The following ATM variants were observed in gnomAD, a reference collection of about 807,000 sequenced individuals.
ATM encodes ATM serine/threonine kinase, also known as serine-protein kinase ATM.
ATM carries 308 observed loss-of-function variants against 387.0 expected under a neutral mutation model. That is an observed-to-expected ratio of 0.80 (90% CI 0.73 to 0.87). The LOEUF (loss-of-function observed/expected upper bound fraction) is 0.87. ATM is among the 40% of genes least tolerant of loss of function. The pLI is 0.00. For synonymous variants in ATM, 1,156 were observed against 1,187.3 expected (o/e 0.97, Z 0.54); for missense variants, 3,312 against 3,560.9 (o/e 0.93, Z 1.78).
intron 22 of ATM, among the ~76,000 whole-genome samples, chr11:108,274,515 A>G (rs2081818229): frequency 6.6e-6 from 1 of 152,108 alleles, no homozygotes; most frequent in Admixed American, 6.5e-5. Flanking sequence ...TAGTGCTATA[A>G]ATTTCCCTCT....
chr11:108,244,175 C>G (rs2135229206), intron 6 of ATM, 57 bp downstream of exon 6: 1 of 1,589,652 alleles, frequency 6.3e-7, no homozygotes, highest in Non-Finnish European at 8.6e-7. Context: ...TCTTGCAAGA[C>G]CATGTTTTAG....
intron 45 of ATM, among the ~76,000 whole-genome samples, chr11:108,321,660 G>A (rs1351728940): frequency 6.6e-6 from 1 of 151,910 alleles, no homozygotes; most frequent in Non-Finnish European, 1.5e-5. Flanking sequence ...GTGGGCGCCT[G>A]TAATCTCAGC....
intron 30 of ATM, among the ~76,000 whole-genome samples, 187 bp downstream of exon 30, chr11:108,292,980 G>T (rs1444132451): frequency 6.6e-6 from 1 of 152,154 alleles, no homozygotes; most frequent in Non-Finnish European, 1.5e-5. Flanking sequence ...TGGTACTTTT[G>T]ATAGTTTTAT....
rs864622131 is a variant in ATM, at chr11:108,267,245, G to A, written c.2541G>A (p.Met847Ile). The stretch of plus-strand genomic sequence containing the variant: ...AAGATGATACTAATGGAAATCTAAT[G>A]GAGGTGGAGGATCAGTCATCCATGA... ...SMEDDTNGNL[M>I]EVEDQSSMNL... is the part of the protein sequence containing the mutation. Residue 847 changes from methionine (M) to isoleucine (I), a missense_variant, in exon 17 of 63, where the codon ATG (methionine) becomes ATA (isoleucine). Physicochemically the swap from Met to Ile is conservative, Grantham distance 10 (BLOSUM62 1). Transcript: ENST00000675843. The A allele has an allele frequency of 6.2e-7, 1 of 1,614,076 alleles. No homozygotes were observed. Among genetic ancestry groups the A allele is most frequent in the Non-Finnish European group, 8.5e-7 (1 of 1,179,946 alleles).
chr11:108,270,985 C>T, intron 18 of ATM, 79 bp from the exon 19 acceptor site: 2 of 1,226,154 alleles, frequency 1.6e-6, no homozygotes, highest in East Asian at 4.9e-5. Flanking sequence ...TGAGCCACTG[C>T]ACCCGGCCTA....
Position 108,345,646 on chromosome 11 carries a change from T to C in ATM, c.8419-97T>C. 3 of 1,003,734 alleles carry C rather than the reference T, an allele frequency of 3.0e-6. No homozygotes were observed. The South Asian group carries it at 5.5e-5, about 18-fold the overall frequency. The allele number at this position is 1,003,734 out of a possible 1,614,324, so 62.2% of individuals were successfully genotyped here. A position where few individuals can be genotyped will look rare whatever the true frequency, so the allele number is the denominator to read the frequency against. ...AGGTAATGTATCCTGTTCATCTTTATTGCCCCTATATCTGTCATATTTTTA... is the reference window on the plus strand; with the variant it reads ...AGGTAATGTATCCTGTTCATCTTTACTGCCCCTATATCTGTCATATTTTTA... On this transcript the variant is annotated intron_variant, in intron 57 of 62. Coordinates refer to ENST00000675843, the MANE Select transcript of ATM (RefSeq NM_000051.4).
intron 33 of ATM, among the ~76,000 whole-genome samples, chr11:108,298,189 C>T (rs1414971966): frequency 1.3e-5 from 2 of 152,166 alleles, no homozygotes; most frequent in African/African-American, 4.8e-5. Flanking sequence ...ATGGAGAAAT[C>T]ACCTGGTTAA....
intron 29 of ATM, among the ~76,000 whole-genome samples, chr11:108,292,316 T>C (rs534774270): frequency 1.3e-5 from 2 of 152,340 alleles, no homozygotes; most frequent in East Asian, 3.9e-4. Flanking sequence ...AGTTGGATTT[T>C]TCTTGATTCA....
chr11:108,236,915 A>G (rs1456103199), intron 5 of ATM, among the ~76,000 whole-genome samples: 1 of 152,230 alleles, frequency 6.6e-6, no homozygotes, highest in Non-Finnish European at 1.5e-5. Flanking sequence ...TGACATTAAC[A>G]AGATGATTTT....
chr11:108,321,930 A>G (rs544526328), intron 45 of ATM, among the ~76,000 whole-genome samples: 26 of 152,192 alleles, frequency 1.7e-4, no homozygotes, highest in Non-Finnish European at 3.1e-4. Context: ...TTAAAAATTC[A>G]GCTTAAGTGT....
chr11:108,341,551 C>T (rs1308398654), intron 56 of ATM, among the ~76,000 whole-genome samples: 1 of 152,022 alleles, frequency 6.6e-6, no homozygotes, highest in Non-Finnish European at 1.5e-5. Flanking sequence ...ATAAATTAAT[C>T]AAATGCTTCC....
At chr11:108,327,955 A>G (rs1368315775) in intron 48 of ATM, among the ~76,000 whole-genome samples, 197 bp downstream of exon 48, 1 of 152,206 alleles carries the variant, frequency 6.6e-6, no homozygotes, top group East Asian at 1.9e-4. Context: ...TTTGAAAGTA[A>G]GCCCAAGTAT....
chr11:108,289,547 A>G, intron 28 of ATM, 55 bp from the exon 29 acceptor site: 1 of 1,310,284 alleles, frequency 7.6e-7, no homozygotes, highest in Non-Finnish European at 1.1e-6. Flanking sequence ...AAGTGTATTT[A>G]TTGTAGCCGA....
At chr11:108,229,525 G>T (rs1033950971) in intron 4 of ATM, 1 of 521,478 alleles carries the variant, frequency 1.9e-6, no homozygotes, top group Non-Finnish European at 3.3e-6. Context: ...AAGTGAAGCA[G>T]TGGGAGTTTA....
chr11:108,358,842 T>C (rs2090360628), intron 61 of ATM, among the ~76,000 whole-genome samples: 1 of 150,718 alleles, frequency 6.6e-6, no homozygotes, highest in Non-Finnish European at 1.5e-5. Flanking sequence ...TGCAAAATCA[T>C]GCCAAAATGT....
chr11:108,289,966 TTCCTCCTC>T, intron 29 of ATM, 165 bp downstream of exon 29: 1 of 610,364 alleles, frequency 1.6e-6, no homozygotes, highest in Non-Finnish European at 2.8e-6. Flanking sequence ...CAGATTATCC[TTCCTCCTC>T]ACCCTGCCGG....
intron 32 of ATM, 97 bp from the exon 33 acceptor site, chr11:108,297,190 G>A (rs2083168388): frequency 9.6e-7 from 1 of 1,040,170 alleles, no homozygotes; most frequent in Non-Finnish European, 1.4e-6. Flanking sequence ...AAACTTTATA[G>A]AAGTTTTCTA....
rs575354684 is a variant in ATM at position 108,326,230 on chromosome 11, G to C, written c.6975+5G>C. 6.2e-7 allele frequency: 1 copy of C among 1,608,914 alleles called. No individual in the cohort carries two copies. Among genetic ancestry groups the C allele is most frequent in the South Asian group, 1.1e-5 (1 of 90,862 alleles). Reference sequence around the variant, plus strand: ...TTGGATGCCAGCTGTGCAGCGGTTTGTTTTTTTTATTGGCTGGATTAGTGT... The same window carrying C: ...TTGGATGCCAGCTGTGCAGCGGTTTCTTTTTTTTATTGGCTGGATTAGTGT... On this transcript the variant is annotated splice_donor_5th_base_variant and intron_variant, in intron 47 of 62. Transcript: ENST00000675843.
At position 108,367,260 on chromosome 11, in the gene ATM, T is replaced by G. The variant is rs1289382131; in HGVS notation, c.*1752T>G. 5.6e-6 allele frequency: 1 copy of G among 179,936 alleles called. No individual in the cohort carries two copies. The highest frequency in any genetic ancestry group is 2.4e-5 in the African/African-American group (1 of 42,362). The allele number at this position is 179,936 out of a possible 1,614,324, so 11.1% of individuals were successfully genotyped here. A position where few individuals can be genotyped will look rare whatever the true frequency, so the allele number is the denominator to read the frequency against. Reference sequence around the variant, plus strand: ...CCTCGGCCTCCCAAAGTGCTGGGATTACAGGTGTGAGCCACCGCGCCCGGC... The same window carrying G: ...CCTCGGCCTCCCAAAGTGCTGGGATGACAGGTGTGAGCCACCGCGCCCGGC... On this transcript the variant is annotated 3_prime_UTR_variant, in exon 63 of 63. Transcript: ENST00000675843.
Sources: allele counts gnomAD v4.1 joint callset (sites outside exome capture counted in the v4.1 genomes callset), GRCh38; gene constraint gnomAD v4.1.1; transcripts MANE v1.5; gene names NCBI Gene and HGNC (gene_info 2026-07-23, HGNC 2026-07-21).